The following XPA variants were observed in gnomAD, a reference collection of about 807,000 sequenced individuals.
XPA encodes the protein XPA, DNA damage recognition and repair factor, also known as DNA repair protein complementing XP-A cells.
In XPA, 27 loss-of-function variants were observed where a neutral mutation model predicts 35.7. The ratio of observed to expected loss-of-function variants is 0.76; its 90% confidence interval spans 0.56 to 1.04. The LOEUF (loss-of-function observed/expected upper bound fraction) is 1.04, where lower values mean the gene tolerates loss of function less well. Among genes scored for constraint, XPA ranks in the 50% least tolerant of loss-of-function variants. The probability of loss-of-function intolerance (pLI) is 0.00; values close to 1 mark genes in which losing one functional copy is unlikely to be tolerated. For synonymous variants in XPA, 133 were observed against 118.4 expected (o/e 1.12, Z -0.80); for missense variants, 354 against 342.7 (o/e 1.03, Z -0.26).
chr9:97,690,560 G>A (rs1329179468), intron 2 of XPA, among the ~76,000 whole-genome samples: 2 of 152,044 alleles, frequency 1.3e-5, no homozygotes, highest in Non-Finnish European at 2.9e-5. Context: ...GTTAATTCTT[G>A]TATTTTTAGT....
chr9:97,685,030 C>T lies in XPA; in HGVS notation c.566G>A (p.Arg189Lys). 6.2e-7 allele frequency: 1 copy of T among 1,613,164 alleles called. No individual in the cohort carries two copies. Among genetic ancestry groups the T allele is most frequent in the South Asian group, 1.1e-5 (1 of 91,052 alleles). ...KLYLKLQIVKRSLEVWGSQEA... is the reference protein window; with the variant it reads ...KLYLKLQIVKKSLEVWGSQEA... ...TTGACTACCCCAAACTTCAAGAGAC[C>T]TCTTCACAATCTACAACACAAAATC... The change falls in exon 5 of 6, where the codon AGG becomes AAG. Residue 189 changes from arginine to lysine, a missense_variant. Transcript: ENST00000375128.
At chr9:97,672,386 A>G (rs1828218765), downstream of XPA, 1 of 152,204 alleles carries the variant, frequency 6.6e-6, no homozygotes, top group African/African-American at 2.4e-5. Flanking sequence ...TTGGTTTACC[A>G]TACATTTTAG....
intron 5 of XPA, among the ~76,000 whole-genome samples, chr9:97,678,647 A>G (rs1828445164): frequency 6.6e-6 from 1 of 152,230 alleles, no homozygotes; most frequent in South Asian, 2.1e-4. Flanking sequence ...GACAGTTCTT[A>G]TAACCATCAT....
chr9:97,657,579 T>C, the XPA span, among the ~76,000 whole-genome samples: 1 of 152,170 alleles, frequency 6.6e-6, no homozygotes, highest in East Asian at 1.9e-4. Flanking sequence ...TTAGTAGAAT[T>C]GATAAGTATT....
At chr9:97,669,737 A>G in the XPA span, 3 of 1,395,720 alleles carry the variant, frequency 2.1e-6, no homozygotes, top group Non-Finnish European at 3.1e-6. Context: ...AGGTAATAAC[A>G]CTATTCTCAG....
rs770167867 is a variant in XPA at position 97,675,454 on chromosome 9, T to C, written c.807A>G (p.Thr269=). 18 of 1,613,456 alleles carry C rather than the reference T, an allele frequency of 1.1e-5. No homozygotes were observed. Among genetic ancestry groups the C allele is most frequent in the East Asian group, 2.2e-5 (1 of 44,880 alleles). The change falls in exon 6 of 6, where the codon ACA becomes ACG. Residue 269 remains threonine (T), a synonymous_variant. Coordinates refer to ENST00000375128, the MANE Select transcript of XPA (RefSeq NM_000380.4). ...AACTAAAAAATCACATTTTTTCATA[T>C]GTCAGTTCATGGCCACACATAGTAC... ...KTCTMCGHEL[T]YEKM
intron 4 of XPA, among the ~76,000 whole-genome samples, chr9:97,685,454 C>CA (rs1315949635): frequency 3.9e-5 from 6 of 152,204 alleles, no homozygotes; most frequent in Non-Finnish European, 8.8e-5. Flanking sequence ...TACTACTACT[C>CA]ATCTCCTTCA....
At chr9:97,689,344 G>T (rs1374651700) in intron 3 of XPA, among the ~76,000 whole-genome samples, 190 bp downstream of exon 3, 1 of 152,122 alleles carries the variant, frequency 6.6e-6, no homozygotes, top group African/African-American at 2.4e-5. Context: ...ATTTTATGGG[G>T]TATATCATAA....
chr9:97,696,658 T>G (rs1188997461), intron 1 of XPA, among the ~76,000 whole-genome samples: 2 of 152,192 alleles, frequency 1.3e-5, no homozygotes, highest in Admixed American at 1.3e-4. Context: ...CATTGCACTT[T>G]TGGCAACTCT....
chr9:97,696,538 T>G (rs1007257599), intron 1 of XPA, among the ~76,000 whole-genome samples: 1 of 152,210 alleles, frequency 6.6e-6, no homozygotes, highest in East Asian at 1.9e-4. Flanking sequence ...TTCTTCTGAT[T>G]GCTGAGTAGG....
At chr9:97,661,019 C>T in the XPA span, 1 of 1,612,682 alleles carries the variant, frequency 6.2e-7, no homozygotes, top group African/African-American at 1.3e-5. Context: ...ATGATGAAAT[C>T]TTCAGCATTC....
At chr9:97,694,241 G>A (rs935562283) in intron 1 of XPA, among the ~76,000 whole-genome samples, 2 of 151,714 alleles carry the variant, frequency 1.3e-5, no homozygotes, top group African/African-American at 4.8e-5. Context: ...AGTGGGGTGC[G>A]TTGTGTGTGT....
chr9:97,668,716 G>T, the XPA span: 21 of 597,380 alleles, frequency 3.5e-5, no homozygotes, highest in Admixed American at 1.1e-4. Flanking sequence ...GTGGCGGGGT[G>T]GGGGGGTACT....
At chr9:97,655,782 T>G in the XPA span, 2 of 1,599,604 alleles carry the variant, frequency 1.3e-6, no homozygotes, top group Non-Finnish European at 1.7e-6. Flanking sequence ...ATGGTTTGTT[T>G]TATCTTTTTC....
chr9:97,671,299 C>A (rs2131373947), downstream of XPA: 3 of 850,820 alleles, frequency 3.5e-6, no homozygotes, highest in Non-Finnish European at 5.5e-6. Context: ...AGTATCCTTT[C>A]ACTTCTTAAA....
At chr9:97,655,915 C>T in the XPA span, 5 of 1,375,464 alleles carry the variant, frequency 3.6e-6, no homozygotes, top group Admixed American at 8.4e-5. Flanking sequence ...CTTAACAAAA[C>T]TTGTAAGTTG....
At chr9:97,688,038 A>G (rs1446295451) in intron 3 of XPA, among the ~76,000 whole-genome samples, 1 of 152,228 alleles carries the variant, frequency 6.6e-6, no homozygotes, top group East Asian at 1.9e-4. Context: ...CAAAAGCTAA[A>G]TAATTCAGAA....
intron 5 of XPA, among the ~76,000 whole-genome samples, chr9:97,683,683 G>A (rs1828616496): frequency 6.7e-6 from 1 of 149,400 alleles, no homozygotes; most frequent in Admixed American, 6.6e-5. Context: ...CATGCAATAA[G>A]AGCTCTTTGT....
chr9:97,675,806 G>A, intron 5 of XPA: 1 of 601,282 alleles, frequency 1.7e-6, no homozygotes, highest in Non-Finnish European at 2.9e-6. Flanking sequence ...GTTGTCACTG[G>A]AGCAGTGTGA....
Sources: allele counts gnomAD v4.1 joint callset (sites outside exome capture counted in the v4.1 genomes callset), GRCh38; gene constraint gnomAD v4.1.1; transcripts MANE v1.5; gene names NCBI Gene and HGNC (gene_info 2026-07-23, HGNC 2026-07-21).